The following PCDHA2 variants were observed in gnomAD, a reference collection of about 807,000 sequenced individuals.
PCDHA2 encodes the protein protocadherin alpha 2, also known as protocadherin alpha-2.
In PCDHA2, 58 loss-of-function variants were observed where a neutral mutation model predicts 66.0. That is an observed-to-expected ratio of 0.88 (90% CI 0.71 to 1.09). PCDHA2 has a LOEUF of 1.09. PCDHA2 is among the 50% of genes least tolerant of loss of function. The pLI, the probability that PCDHA2 is intolerant of heterozygous loss-of-function variation, is 0.00. For synonymous variants in PCDHA2, 634 were observed against 554.0 expected (o/e 1.14, Z -2.03); for missense variants, 1,267 against 1,242.3 (o/e 1.02, Z -0.30).
chr5:140,953,913 G>A (rs2094950683), intron 1 of PCDHA2, among the ~76,000 whole-genome samples: 1 of 152,104 alleles, frequency 6.6e-6, no homozygotes, highest in African/African-American at 2.4e-5. Flanking sequence ...CATCCATTAG[G>A]TATTCTTCCT....
At chr5:140,825,380 T>C (rs1415705722) in intron 1 of PCDHA2, 1 of 146,050 alleles carries the variant, frequency 6.8e-6, no homozygotes, top group Non-Finnish European at 1.5e-5. Context: ...ATCTAAAATA[T>C]CTAATATATA....
intron 1 of PCDHA2, chr5:140,883,838 GA>G: frequency 6.2e-7 from 1 of 1,612,738 alleles, no homozygotes; most frequent in Non-Finnish European, 8.5e-7. Context: ...GCAGCCGTTG[GA>G]CCACGAGGAG....
chr5:141,009,736 G>T lies in PCDHA2; in HGVS notation c.2646G>T (p.Leu882Phe). 1 of 1,614,086 alleles carries T rather than the reference G, an allele frequency of 6.2e-7. No homozygotes were observed. Among genetic ancestry groups the T allele is most frequent in the East Asian group, 2.2e-5 (1 of 44,872 alleles). Residue 882 changes from leucine to phenylalanine, a missense_variant, in exon 4 of 4, where the codon TTG becomes TTT. Leu to Phe is a conservative substitution (Grantham distance 22). Transcript: ENST00000526136. ...GNPKQSGPGE[L>F]PDKFIIPGSP... ...CCAAACAATCCGGTCCCGGTGAGTT[G>T]CCCGACAAATTCATTATCCCAGGAT...
At chr5:140,950,439 G>A (rs1448812695) in intron 1 of PCDHA2, among the ~76,000 whole-genome samples, 1 of 151,962 alleles carries the variant, frequency 6.6e-6, no homozygotes, top group Non-Finnish European at 1.5e-5. Context: ...TAAAAAAAAT[G>A]TTATTCTACT....
chr5:140,975,591 G>A (rs1421434713), intron 1 of PCDHA2, among the ~76,000 whole-genome samples: 1 of 152,198 alleles, frequency 6.6e-6, no homozygotes, highest in African/African-American at 2.4e-5. Flanking sequence ...GTCCCAGAGG[G>A]CAATTTGTTG....
intron 1 of PCDHA2, among the ~76,000 whole-genome samples, chr5:140,855,693 A>G (rs2043577719): frequency 6.7e-6 from 1 of 149,800 alleles, no homozygotes; most frequent in African/African-American, 2.5e-5. Context: ...TTAAGAAAAC[A>G]TTGCACGTGG....
intron 1 of PCDHA2, chr5:140,802,606 C>T (rs782355104): frequency 3.7e-6 from 6 of 1,613,820 alleles, no homozygotes; most frequent in Non-Finnish European, 4.2e-6. Flanking sequence ...AACAACCCGC[C>T]GGGCTGCCAC....
At chr5:140,884,317 G>C (rs1401667312) in intron 1 of PCDHA2, 15 of 1,613,780 alleles carry the variant, frequency 9.3e-6, no homozygotes, top group Non-Finnish European at 1.3e-5. Context: ...CGAGGGCGTC[G>C]GCAGGCGCTG....
chr5:140,862,294 T>G, intron 1 of PCDHA2: 1 of 269,096 alleles, frequency 3.7e-6, no homozygotes, highest in Non-Finnish European at 7.3e-6. Context: ...AGGAGGACGC[T>G]CCACTGGGTA....
intron 1 of PCDHA2, among the ~76,000 whole-genome samples, chr5:140,951,209 A>C (rs1302279809): frequency 6.6e-6 from 1 of 151,904 alleles, no homozygotes; most frequent in Non-Finnish European, 1.5e-5. Context: ...GTGTCATCTC[A>C]GGTTTGGATT....
chr5:140,966,651 C>A, intron 1 of PCDHA2: 1 of 1,159,980 alleles, frequency 8.6e-7, no homozygotes, highest in Non-Finnish European at 1.1e-6. Flanking sequence ...AGAGCGTGAG[C>A]GGTGGGGGAG....
chr5:140,843,369 C>T lies in PCDHA2; in HGVS notation c.2388+46017C>T, dbSNP rs2150358449. 7 of 1,595,922 alleles carry T rather than the reference C, an allele frequency of 4.4e-6. No individual in the cohort carries two copies. Among genetic ancestry groups the T allele is most frequent in the African/African-American group, 1.3e-5 (1 of 74,440 alleles). ...GCTCCAAAAGCGTCATCGAGGCAGT[C>T]GGCTGGCGTTTTGGGTCCGGAAGCG... On this transcript the variant is annotated intron_variant, in intron 1 of 3. Transcript: ENST00000526136.
At chr5:140,921,414 T>G (rs2080207969) in intron 1 of PCDHA2, among the ~76,000 whole-genome samples, 1 of 152,206 alleles carries the variant, frequency 6.6e-6, no homozygotes, top group Admixed American at 6.5e-5. Flanking sequence ...TCCTCTGTGC[T>G]GCAGACAAAA....
At chr5:140,890,854 T>C (rs1320462436) in intron 1 of PCDHA2, among the ~76,000 whole-genome samples, 1 of 152,232 alleles carries the variant, frequency 6.6e-6, no homozygotes, top group African/African-American at 2.4e-5. Context: ...TTTCTCTTCC[T>C]TACTTCTTGC....
chr5:140,857,812 C>T lies in PCDHA2; in HGVS notation c.2388+60460C>T. ...TGCTGCGGTCGGTGGTTGCGGGTCACGTGGTGGCTAAGGTGCGCGCAGTGG... is the reference window on the plus strand; with the variant it reads ...TGCTGCGGTCGGTGGTTGCGGGTCATGTGGTGGCTAAGGTGCGCGCAGTGG... On this transcript the variant is annotated intron_variant, in intron 1 of 3. Transcript: ENST00000526136. 3.1e-6 allele frequency: 5 copies of T among 1,597,698 alleles called. 1 individual carries two copies. The highest frequency in any genetic ancestry group is 2.2e-5 in the East Asian group (1 of 44,814).
rs1269379462 is a variant in PCDHA2, at chr5:141,005,696, C to T, written c.2537-3931C>T. 3.0e-4 allele frequency among the ~76,000 whole-genome samples: 31 copies of T among 105,030 alleles called. No individual in the cohort carries two copies. In the East Asian group the frequency reaches 8.2e-3, roughly 28 times the overall value. 68.9% of individuals were successfully genotyped at this position (105,030 alleles called of 152,430 possible). ...CAGCCTGGGCGACAGAGCGAAACTC[C>T]GTCTCAAAAAAAAAAAAAAAAAAAA... is the stretch of plus-strand genomic sequence containing the variant. On this transcript the variant is annotated intron_variant, in intron 3 of 3. Transcript: ENST00000526136.
chr5:140,964,968 G>A lies in PCDHA2; in HGVS notation c.2389-13981G>A, dbSNP rs566051914. On this transcript the variant is annotated intron_variant, in intron 1 of 3. Coordinates refer to ENST00000526136, the MANE Select transcript of PCDHA2 (RefSeq NM_018905.3). ...GAGTGTGCTTGGTTGGTGGAACGAA[G>A]GGATGTGCTAGTTCAGGCCTTTGAA... 3.9e-5 allele frequency among the ~76,000 whole-genome samples: 6 copies of A among 152,326 alleles called. No individual in the cohort carries two copies. In the South Asian group the frequency reaches 1.0e-3, roughly 26 times the overall value.
At chr5:141,007,395 C>CAAAAA (rs35800918) in intron 3 of PCDHA2, among the ~76,000 whole-genome samples, 20 of 94,830 alleles carry the variant, frequency 2.1e-4, no homozygotes, top group South Asian at 3.5e-4. Context: ...TACTAAAATA[C>CAAAAA]AAAAAAAAAA....
intron 1 of PCDHA2, chr5:140,808,868 A>C: frequency 6.2e-7 from 1 of 1,613,184 alleles, no homozygotes; most frequent in Non-Finnish European, 8.5e-7. Flanking sequence ...CGAAAACGAC[A>C]ACGCGCCAGC....
Sources: allele counts gnomAD v4.1 joint callset (sites outside exome capture counted in the v4.1 genomes callset), GRCh38; gene constraint gnomAD v4.1.1; transcripts MANE v1.5; gene names NCBI Gene and HGNC (gene_info 2026-07-23, HGNC 2026-07-21).